ST18: variants seen among roughly 807,000 people sequenced by gnomAD.
ST18 encodes suppression of tumorigenicity 18 protein.
A neutral mutation model predicts 110.0 loss-of-function variants in ST18; 50 were observed. The observed-to-expected ratio is 0.45, with a 90% CI of 0.36 to 0.58. The LOEUF (loss-of-function observed/expected upper bound fraction) is 0.58. Among genes scored for constraint, ST18 ranks in the 20% least tolerant of loss-of-function variants. The pLI is 0.00. For missense variants in ST18, 1,306 were observed against 1,280.1 expected (o/e 1.02, Z -0.31); for synonymous variants, 461 against 452.4 (o/e 1.02, Z -0.24).
intron 2 of ST18, among the ~76,000 whole-genome samples, chr8:52,321,814 G>C (rs1055034396): frequency 6.6e-6 from 1 of 152,228 alleles, no homozygotes; most frequent in Non-Finnish European, 1.5e-5. Context: ...TACAGTGAAA[G>C]TAGGTCCTCA....
Position 52,166,842 on chromosome 8 carries a change from T to C in ST18, c.1204+10A>G, listed in dbSNP as rs866402457. The C allele has an allele frequency of 1.9e-6, 3 of 1,567,214 alleles. No individual in the cohort carries two copies. Among genetic ancestry groups the C allele is most frequent in the African/African-American group, 2.7e-5 (2 of 74,094 alleles). ...ATAAGCAGAAGCTTTGAGGGACAAG[T>C]GGTACTCACTTTCCAGGGGAACCCG... On this transcript the variant is annotated intron_variant, in intron 11 of 25. Coordinates refer to ENST00000689386, the MANE Select transcript of ST18 (RefSeq NM_001352837.2).
At chr8:52,234,882 T>C (rs2092377984) in intron 2 of ST18, among the ~76,000 whole-genome samples, 1 of 152,076 alleles carries the variant, frequency 6.6e-6, no homozygotes, top group South Asian at 2.1e-4. Flanking sequence ...CCAAACATTA[T>C]ATGTTCTCAC....
At chr8:52,187,730 T>G (rs1311281765) in intron 8 of ST18, among the ~76,000 whole-genome samples, 1 of 152,200 alleles carries the variant, frequency 6.6e-6, no homozygotes, top group Non-Finnish European at 1.5e-5. Flanking sequence ...CCTTTTTGCT[T>G]TTTGGTTGAG....
At chr8:52,144,299 A>G (rs934899260) in intron 16 of ST18, among the ~76,000 whole-genome samples, 1 of 152,136 alleles carries the variant, frequency 6.6e-6, no homozygotes, top group Non-Finnish European at 1.5e-5. Flanking sequence ...GATGTACTTA[A>G]GGTAAGTAAA....
At chr8:52,252,775 G>C (rs2094377758) in intron 2 of ST18, among the ~76,000 whole-genome samples, 1 of 151,898 alleles carries the variant, frequency 6.6e-6, no homozygotes, top group African/African-American at 2.4e-5. Flanking sequence ...AGCCAAGAAG[G>C]CCACATAATA....
rs181874404 is a variant in ST18 at position 52,119,351 on chromosome 8, T to C, written c.2756-910A>G. The stretch of plus-strand genomic sequence containing the variant: ...AATATTAAGGGTGCGGGAAGCAGGA[T>C]TGGAGGTAATTTACCTCCTAGAAGA... On this transcript the variant is annotated intron_variant, in intron 23 of 25. Transcript: ENST00000689386. Among the ~76,000 whole-genome samples, 160 of 152,228 alleles carry C rather than the reference T, an allele frequency of 1.1e-3. 1 individual carries two copies. The highest frequency in any genetic ancestry group is 1.9e-3 in the Non-Finnish European group (126 of 67,998).
chr8:52,172,198 A>T lies in ST18; in HGVS notation c.663T>A (p.Tyr221Ter). 6.2e-7 allele frequency: 1 copy of T among 1,614,160 alleles called. No individual in the cohort carries two copies. The highest frequency in any genetic ancestry group is 8.5e-7 in the Non-Finnish European group (1 of 1,180,038). Residue 221 changes from tyrosine to a stop codon, truncating the protein, a stop_gained, in exon 10 of 26, where the codon TAT (tyrosine) becomes TAA (stop). Coordinates refer to ENST00000689386, the MANE Select transcript of ST18 (RefSeq NM_001352837.2). LOFTEE classifies it high-confidence loss of function. ...EETKPPRVPK[Y>*]VLTDHKKDLL... ...GGTCTTTTTTATGATCTGTTAAAAC[A>T]TACTTTGGGACTCTAGGTGGTTTGG...
At chr8:52,362,269 T>C (rs949118967) in intron 2 of ST18, among the ~76,000 whole-genome samples, 1 of 152,198 alleles carries the variant, frequency 6.6e-6, no homozygotes, top group Non-Finnish European at 1.5e-5. Flanking sequence ...ATATAAATAA[T>C]GTAAGCTACC....
At chr8:52,356,237 G>A (rs1822683164) in intron 2 of ST18, among the ~76,000 whole-genome samples, 1 of 152,146 alleles carries the variant, frequency 6.6e-6, no homozygotes, top group Non-Finnish European at 1.5e-5. Flanking sequence ...AATATTAAAG[G>A]AGTGTCCCAA....
intron 2 of ST18, among the ~76,000 whole-genome samples, chr8:52,279,066 C>T (rs953614183): frequency 7.2e-5 from 11 of 151,996 alleles, no homozygotes; most frequent in African/African-American, 2.2e-4. Context: ...GAGTGAGGGA[C>T]AGTAAACAGA....
chr8:52,344,132 A>G (rs1816520062), intron 2 of ST18, among the ~76,000 whole-genome samples: 1 of 152,178 alleles, frequency 6.6e-6, no homozygotes, highest in Non-Finnish European at 1.5e-5. Context: ...TTTAGTCAGA[A>G]CTTTTGTTAT....
intron 2 of ST18, among the ~76,000 whole-genome samples, chr8:52,323,429 T>C (rs541539151): frequency 1.3e-5 from 2 of 152,186 alleles, no homozygotes; most frequent in East Asian, 1.9e-4. Flanking sequence ...GAAAGATCTG[T>C]CTAGCATTTC....
chr8:52,319,484 T>C (rs980678870), intron 2 of ST18, among the ~76,000 whole-genome samples: 2 of 152,208 alleles, frequency 1.3e-5, no homozygotes, highest in African/African-American at 4.8e-5. Context: ...TAAATATGCA[T>C]CTATAATATG....
chr8:52,314,659 A>G (rs7824696), intron 2 of ST18, among the ~76,000 whole-genome samples: 31,820 of 151,978 alleles, frequency 0.21, 3,811 homozygotes, highest in African/African-American at 0.33. Flanking sequence ...AACTTAAGCT[A>G]TCCAACAACC....
At chr8:52,250,617 C>A (rs904797009) in intron 2 of ST18, among the ~76,000 whole-genome samples, 1 of 150,706 alleles carries the variant, frequency 6.6e-6, no homozygotes, top group Non-Finnish European at 1.5e-5. Flanking sequence ...AGCTGTGGGC[C>A]GCAGAGAAAG....
chr8:52,267,501 A>AC (rs1443901428), intron 2 of ST18, among the ~76,000 whole-genome samples: 8 of 149,918 alleles, frequency 5.3e-5, no homozygotes, highest in African/African-American at 1.7e-4. Context: ...AAAAAAAAAA[A>AC]AAACCCAAAA....
chr8:52,223,955 G>A (rs1433129483), intron 3 of ST18, among the ~76,000 whole-genome samples: 3 of 152,022 alleles, frequency 2.0e-5, no homozygotes, highest in Non-Finnish European at 2.9e-5. Context: ...TTTTTAATAA[G>A]TAAACATAAA....
At chr8:52,214,311 T>G in intron 6 of ST18, 54 bp from the exon 7 acceptor site, 1 of 1,578,156 alleles carries the variant, frequency 6.3e-7, no homozygotes. Flanking sequence ...GACCAAAATA[T>G]GAAAACATGT....
chr8:52,333,950 G>T (rs1349131267), intron 2 of ST18, among the ~76,000 whole-genome samples: 1 of 152,208 alleles, frequency 6.6e-6, no homozygotes, highest in Non-Finnish European at 1.5e-5. Context: ...GAATTGTTCT[G>T]GGGGAGTGGG....
Sources: gnomAD v4.1 joint callset for allele counts (sites outside exome capture counted in the v4.1 genomes callset) on GRCh38, gnomAD v4.1.1 for gene constraint, MANE v1.5 for transcripts, NCBI Gene and HGNC (gene_info 2026-07-23, HGNC 2026-07-21) for gene names.